The following SHISA6 variants were observed in gnomAD, a reference collection of about 807,000 sequenced individuals.
The protein encoded by SHISA6 is shisa family member 6.
Under a neutral mutation model 47.9 loss-of-function variants are expected in SHISA6, and 22 were observed. The ratio of observed to expected loss-of-function variants is 0.46; its 90% CI spans 0.33 to 0.66. The LOEUF (loss-of-function observed/expected upper bound fraction) is 0.66. Among genes scored for constraint, SHISA6 ranks in the 30% least tolerant of loss-of-function variants. The pLI is 0.02. For missense variants in SHISA6, 680 were observed against 764.6 expected (o/e 0.89, Z 1.30); for synonymous variants, 388 against 337.8 (o/e 1.15, Z -1.63).
chr17:11,484,527 A>T (rs1294083281), intron 3 of SHISA6, among the ~76,000 whole-genome samples: 2 of 152,140 alleles, frequency 1.3e-5, no homozygotes, highest in African/African-American at 4.8e-5. Flanking sequence ...CAACCTCTCA[A>T]GTAGCTGGGA....
chr17:11,408,652 T>A (rs1436007616), intron 3 of SHISA6, among the ~76,000 whole-genome samples: 1 of 152,224 alleles, frequency 6.6e-6, no homozygotes, highest in Non-Finnish European at 1.5e-5. Flanking sequence ...CATAAACTGC[T>A]GGGATATTGA....
chr17:11,496,752 A>G (rs887539795), intron 3 of SHISA6, among the ~76,000 whole-genome samples: 1 of 151,838 alleles, frequency 6.6e-6, no homozygotes, highest in Admixed American at 6.6e-5. Context: ...AAAAAAGAAA[A>G]AAAAAAAAAA....
chr17:11,550,884 T>C (rs2071926545), intron 3 of SHISA6, among the ~76,000 whole-genome samples: 1 of 152,046 alleles, frequency 6.6e-6, no homozygotes, highest in African/African-American at 2.4e-5. Flanking sequence ...ATTTACAGAA[T>C]AGAAGGGGAA....
rs147447045 is a variant in SHISA6 at position 11,422,729 on chromosome 17, C to T, written c.895+43220C>T. 5.8e-3 allele frequency among the ~76,000 whole-genome samples: 868 copies of T among 149,898 alleles called. 10 individuals carry two copies. The highest frequency in any genetic ancestry group is 0.02 in the African/African-American group (812 of 40,518). The stretch of plus-strand genomic sequence containing the variant: ...AGTGATCCAAGATCCCGCCACTGCA[C>T]TCCAGCCTGGGGTAACAGAGTGAGA... On this transcript the variant is annotated intron_variant, in intron 3 of 5. Transcript: ENST00000441885.
At position 11,560,405 on chromosome 17, in the gene SHISA6, A is replaced by T. The variant is rs190105851; in HGVS notation, c.*2101A>T. 1.1e-4 allele frequency: 17 copies of T among 152,450 alleles called. No homozygotes were observed. In the East Asian group the frequency reaches 2.7e-3, roughly 24 times the overall value. 9.4% of individuals were successfully genotyped at this position (152,450 alleles called of 1,614,324 possible). ...CTTAAGGGCTGGTCCCCAGGGGTTT[A>T]TAAGAGTTTGTTCCAGAAGGTGAGG... is the stretch of plus-strand genomic sequence containing the variant. On this transcript the variant is annotated 3_prime_UTR_variant, in exon 6 of 6. Transcript: ENST00000441885.
rs147974299 is a variant in SHISA6, at chr17:11,376,364, C to T, written c.800-3050C>T. 4.0e-5 allele frequency among the ~76,000 whole-genome samples: 6 copies of T among 150,228 alleles called. No homozygotes were observed. The East Asian group carries it at 1.2e-3, about 30-fold the overall frequency. On this transcript the variant is annotated intron_variant, in intron 2 of 5. Transcript: ENST00000441885. The stretch of plus-strand genomic sequence containing the variant: ...GAGACGTCTCGCTCTGTTGCCCGGC[C>T]TGGAGTACAGTGGCGCGATCTGAGC...
At chr17:11,350,182 A>ATTTTTTTTAT (rs1555529935) in intron 2 of SHISA6, among the ~76,000 whole-genome samples, 1 of 116,270 alleles carries the variant, frequency 8.6e-6, no homozygotes, top group East Asian at 2.7e-4. Flanking sequence ...TTATTTATTT[A>ATTTTTTTTAT]TTTTTTTTTT....
chr17:11,408,830 GTGA>G (rs1914034847), intron 3 of SHISA6, among the ~76,000 whole-genome samples: 1 of 152,156 alleles, frequency 6.6e-6, no homozygotes, highest in Non-Finnish European at 1.5e-5. Context: ...CCTTATTGAC[GTGA>G]TGATATTAAA....
intron 1 of SHISA6, among the ~76,000 whole-genome samples, chr17:11,254,238 T>G (rs1907923384): frequency 6.6e-6 from 1 of 152,160 alleles, no homozygotes; most frequent in Non-Finnish European, 1.5e-5. Flanking sequence ...CTCTGTCACT[T>G]TCTGTCTTGA....
chr17:11,379,626 T>TCCAGGACAAGCTG, intron 3 of SHISA6, 117 bp downstream of exon 3: 1 of 665,468 alleles, frequency 1.5e-6, no homozygotes, highest in Non-Finnish European at 2.5e-6. Context: ...GTGGGGTGGT[T>TCCAGGACAAGCTG]CCATGGCAGC....
At chr17:11,298,308 T>C (rs1355809392) in intron 2 of SHISA6, among the ~76,000 whole-genome samples, 2 of 152,108 alleles carry the variant, frequency 1.3e-5, no homozygotes, top group Admixed American at 1.3e-4. Flanking sequence ...GGACACACAA[T>C]AAGAGAGGCT....
chr17:11,247,769 GTCTT>G (rs1237525644), intron 1 of SHISA6, among the ~76,000 whole-genome samples: 4 of 149,116 alleles, frequency 2.7e-5, no homozygotes, highest in Non-Finnish European at 4.5e-5. Flanking sequence ...CCTCTTTGGC[GTCTT>G]TCTTTTTTTT....
intron 2 of SHISA6, among the ~76,000 whole-genome samples, chr17:11,356,540 A>G (rs1303689655): frequency 6.6e-6 from 1 of 152,178 alleles, no homozygotes; most frequent in Non-Finnish European, 1.5e-5. Flanking sequence ...AATGAGCCCA[A>G]GAACTGGGAA....
At chr17:11,253,304 G>C (rs1029608999) in intron 1 of SHISA6, among the ~76,000 whole-genome samples, 1 of 80,026 alleles carries the variant, frequency 1.2e-5, no homozygotes, top group Non-Finnish European at 2.7e-5. Flanking sequence ...AATTGGACCT[G>C]GGCAAAGTTT....
chr17:11,523,444 A>T (rs973404143), intron 3 of SHISA6, among the ~76,000 whole-genome samples: 1 of 152,128 alleles, frequency 6.6e-6, no homozygotes, highest in African/African-American at 2.4e-5. Context: ...AGCCAGGGAG[A>T]TAGATATGCC....
At chr17:11,539,402 A>C (rs2071814866) in intron 3 of SHISA6, among the ~76,000 whole-genome samples, 2 of 152,226 alleles carry the variant, frequency 1.3e-5, no homozygotes, top group African/African-American at 2.4e-5. Flanking sequence ...ACACCAAATC[A>C]CCCTTCCTCT....
At chr17:11,535,093 C>T (rs1204277980) in intron 3 of SHISA6, among the ~76,000 whole-genome samples, 1 of 152,048 alleles carries the variant, frequency 6.6e-6, no homozygotes, top group Non-Finnish European at 1.5e-5. Context: ...AAGAGCGCAC[C>T]ACTGCACTCC....
At chr17:11,511,482 A>G (rs951390135) in intron 3 of SHISA6, among the ~76,000 whole-genome samples, 24 of 152,134 alleles carry the variant, frequency 1.6e-4, no homozygotes, top group Admixed American at 3.3e-4. Context: ...GAATGAATAA[A>G]TAACTTTAAG....
At chr17:11,317,032 G>C (rs1043216197) in intron 2 of SHISA6, among the ~76,000 whole-genome samples, 2 of 151,942 alleles carry the variant, frequency 1.3e-5, no homozygotes, top group Non-Finnish European at 2.9e-5. Flanking sequence ...TACATTGAGA[G>C]GCTTATTGAT....
Sources: allele counts gnomAD v4.1 joint callset (sites outside exome capture counted in the v4.1 genomes callset), GRCh38; gene constraint gnomAD v4.1.1; transcripts MANE v1.5; gene names NCBI Gene and HGNC (gene_info 2026-07-23, HGNC 2026-07-21).